Variants in LEKR1 observed in about 807,000 individuals in gnomAD.
LEKR1 encodes leucine, glutamate and lysine rich 1, also known as protein LEKR1.
LEKR1 carries 59 observed loss-of-function variants against 72.4 expected under a neutral mutation model. The ratio of observed to expected loss-of-function variants is 0.82; its 90% CI spans 0.66 to 1.01. LEKR1 has a LOEUF of 1.01. LEKR1 is among the 50% of genes least tolerant of loss of function. The pLI, the probability that LEKR1 is intolerant of heterozygous loss-of-function variation, is 0.00. For synonymous variants in LEKR1, 257 were observed against 263.2 expected, an observed-to-expected ratio of 0.98 and a Z score of 0.23; for missense variants, 728 against 759.2, an observed-to-expected ratio of 0.96 and a Z score of 0.48.
chr3:156,868,870 T>C (rs1444341789), intron 3 of LEKR1, among the ~76,000 whole-genome samples: 1 of 150,440 alleles, frequency 6.6e-6, no homozygotes, highest in Non-Finnish European at 1.5e-5. Context: ...CAGCCTCTGG[T>C]ATCTATCAGT....
At chr3:156,869,401 G>T (rs1365087899) in intron 3 of LEKR1, among the ~76,000 whole-genome samples, 1 of 151,990 alleles carries the variant, frequency 6.6e-6, no homozygotes, top group African/African-American at 2.4e-5. Flanking sequence ...TGTTCTAACT[G>T]GGGTAAGATG....
chr3:156,844,856 C>G (rs146495299), intron 2 of LEKR1, among the ~76,000 whole-genome samples: 225 of 150,396 alleles, frequency 1.5e-3, no homozygotes, highest in African/African-American at 5.2e-3. Flanking sequence ...TTTCATTTTC[C>G]TGGGATAAAT....
At chr3:156,949,397 A>G (rs1175569910) in intron 6 of LEKR1, among the ~76,000 whole-genome samples, 1 of 151,690 alleles carries the variant, frequency 6.6e-6, no homozygotes, top group East Asian at 1.9e-4. Flanking sequence ...CAGTTATCCC[A>G]GCACCGTTTA....
intron 3 of LEKR1, among the ~76,000 whole-genome samples, chr3:156,887,135 A>T (rs1442358325): frequency 6.6e-6 from 1 of 152,024 alleles, no homozygotes; most frequent in Non-Finnish European, 1.5e-5. Context: ...TTTGATTGGG[A>T]TCTGTTCCTG....
intron 3 of LEKR1, among the ~76,000 whole-genome samples, chr3:156,854,551 T>G (rs1404998835): frequency 6.6e-6 from 1 of 151,750 alleles, no homozygotes; most frequent in Non-Finnish European, 1.5e-5. Context: ...TTTCCTTTTT[T>G]TTTTTTGAGA....
intron 3 of LEKR1, among the ~76,000 whole-genome samples, chr3:156,910,506 G>A (rs1261562532): frequency 6.6e-6 from 1 of 152,122 alleles, no homozygotes; most frequent in African/African-American, 2.4e-5. Context: ...TGGGTACTGT[G>A]GTCAGCACCT....
chr3:157,026,798 A>G (rs1315389681), intron 11 of LEKR1, among the ~76,000 whole-genome samples: 14 of 152,232 alleles, frequency 9.2e-5, no homozygotes, highest in Admixed American at 9.2e-4. Flanking sequence ...CATAAGTAAT[A>G]AAGATATGTT....
intron 3 of LEKR1, among the ~76,000 whole-genome samples, chr3:156,869,375 T>C (rs1717658412): frequency 6.6e-6 from 1 of 152,100 alleles, no homozygotes; most frequent in African/African-American, 2.4e-5. Context: ...TTATTTTCTC[T>C]TTTTAATAAA....
intron 2 of LEKR1, among the ~76,000 whole-genome samples, chr3:156,835,863 CTTTTTTTTTTTTTTTTTT>C (rs59061418): frequency 3.6e-5 from 2 of 55,510 alleles, no homozygotes; most frequent in African/African-American, 6.8e-5. Context: ...CTCTGTCTCA[CTTTTTTTTTTTTTTTTTT>C]TTTTTTTTTT....
intron 11 of LEKR1, among the ~76,000 whole-genome samples, chr3:157,026,031 C>T (rs995280237): frequency 6.6e-6 from 1 of 151,514 alleles, no homozygotes; most frequent in Non-Finnish European, 1.5e-5. Context: ...GACTGGGCAA[C>T]AAAGTGAGAC....
At chr3:156,975,546 T>A (rs1156524172) in intron 6 of LEKR1, among the ~76,000 whole-genome samples, 1 of 152,196 alleles carries the variant, frequency 6.6e-6, no homozygotes, top group African/African-American at 2.4e-5. Flanking sequence ...TGAAGTTTTA[T>A]ATCAGCCTAT....
chr3:156,892,227 G>A (rs1334687537), intron 3 of LEKR1, among the ~76,000 whole-genome samples: 5 of 152,034 alleles, frequency 3.3e-5, no homozygotes, highest in Admixed American at 6.6e-5. Context: ...TAGAATAGAC[G>A]CCACCAGACT....
chr3:157,023,080 T>C (rs1733953134), intron 10 of LEKR1, among the ~76,000 whole-genome samples: 1 of 152,164 alleles, frequency 6.6e-6, no homozygotes, highest in Admixed American at 6.5e-5. Flanking sequence ...CCTTGTACCC[T>C]GGCTTCATTG....
chr3:156,850,001 C>G (rs1214745249), intron 2 of LEKR1, among the ~76,000 whole-genome samples: 1 of 151,994 alleles, frequency 6.6e-6, no homozygotes, highest in African/African-American at 2.4e-5. Flanking sequence ...ATTTTTGCAA[C>G]CTACTCATCT....
In LEKR1 at chr3:156,964,833, C is replaced by T. The variant is rs184330796; in HGVS notation, c.746-14361C>T. ...ATGTTTATGTAGTTATGTAACACTA[C>T]TGGAAAATGTCCTAAATATTTTTAG... On this transcript the variant is annotated intron_variant, in intron 6 of 12. Coordinates refer to ENST00000356539, the MANE Select transcript of LEKR1 (RefSeq NM_001004316.3). Among the ~76,000 whole-genome samples the T allele has an allele frequency of 6.6e-3, 1,012 of 152,284 alleles. 9 individuals are homozygous for T. The highest frequency in any genetic ancestry group is 0.011 in the Admixed American group (166 of 15,298).
rs577764130 is a variant in LEKR1 at position 156,952,173 on chromosome 3, C to T, written c.745+9459C>T. Among the ~76,000 whole-genome samples the T allele has an allele frequency of 1.2e-4, 18 of 151,518 alleles. No homozygotes were observed. In the East Asian group the frequency reaches 3.5e-3, roughly 29 times the overall value. On this transcript the variant is annotated intron_variant, in intron 6 of 12. Coordinates refer to ENST00000356539, the MANE Select transcript of LEKR1 (RefSeq NM_001004316.3). ...TTCTTGAGAAAACTGAAATTCTTCTCATATATCCTGGATTTTCCTCTCGAC... is the reference window on the plus strand; with the variant it reads ...TTCTTGAGAAAACTGAAATTCTTCTTATATATCCTGGATTTTCCTCTCGAC...
chr3:156,899,913 C>G (rs1721838272), intron 3 of LEKR1, among the ~76,000 whole-genome samples: 1 of 151,600 alleles, frequency 6.6e-6, no homozygotes, highest in Non-Finnish European at 1.5e-5. Context: ...TAAAGAATTC[C>G]TTAAGTAAAT....
At chr3:156,841,926 C>CA (rs1713960310) in intron 2 of LEKR1, among the ~76,000 whole-genome samples, 1 of 150,574 alleles carries the variant, frequency 6.6e-6, no homozygotes, top group African/African-American at 2.4e-5. Flanking sequence ...AGGTGAGTGG[C>CA]AAGCCAGTGA....
At chr3:156,868,759 A>G (rs1175564832) in intron 3 of LEKR1, among the ~76,000 whole-genome samples, 1 of 152,016 alleles carries the variant, frequency 6.6e-6, no homozygotes, top group Non-Finnish European at 1.5e-5. Flanking sequence ...AGAGTCACCT[A>G]ACTCTGCTAT....
Sources: allele counts gnomAD v4.1 joint callset (sites outside exome capture counted in the v4.1 genomes callset), GRCh38; gene constraint gnomAD v4.1.1; transcripts MANE v1.5; gene names NCBI Gene and HGNC (gene_info 2026-07-23, HGNC 2026-07-21).